The following CPPED1 variants were observed in gnomAD, a reference collection of about 807,000 sequenced individuals.
The protein encoded by CPPED1 is serine/threonine-protein phosphatase CPPED1.
A neutral mutation model predicts 28.0 loss-of-function variants in CPPED1; 28 were observed. The observed-to-expected ratio is 1.00, with a 90% CI of 0.74 to 1.37. CPPED1 has a LOEUF of 1.37. Among genes scored for constraint, CPPED1 ranks in the 40% most tolerant of loss-of-function variants. The pLI is 0.00. For synonymous variants in CPPED1, 198 were observed against 180.2 expected (o/e 1.10, Z -0.79); for missense variants, 504 against 416.5 (o/e 1.21, Z -1.83).
At chr16:12,733,472 A>G (rs1007713464) in intron 2 of CPPED1, among the ~76,000 whole-genome samples, 7 of 152,104 alleles carry the variant, frequency 4.6e-5, no homozygotes, top group African/African-American at 1.7e-4. Flanking sequence ...ACAGGGTTTC[A>G]GCATGTTGGC....
chr16:12,716,366 A>G (rs147585493), intron 2 of CPPED1, among the ~76,000 whole-genome samples: 25 of 152,372 alleles, frequency 1.6e-4, no homozygotes, highest in African/African-American at 5.8e-4. Flanking sequence ...ATGATGCACA[A>G]TGTGATATCC....
At chr16:12,689,970 C>T (rs1363241755) in intron 3 of CPPED1, among the ~76,000 whole-genome samples, 1 of 152,194 alleles carries the variant, frequency 6.6e-6, no homozygotes, top group Non-Finnish European at 1.5e-5. Context: ...GCAGTAACAA[C>T]CATTTTATCA....
At chr16:12,791,256 C>G (rs2080594960) in intron 1 of CPPED1, among the ~76,000 whole-genome samples, 1 of 152,072 alleles carries the variant, frequency 6.6e-6, no homozygotes, top group Admixed American at 6.6e-5. Context: ...TGATGTTCCC[C>G]TCCCTGTGTC....
intron 2 of CPPED1, chr16:12,720,180 T>C (rs867386641): frequency 6.5e-6 from 1 of 153,068 alleles, no homozygotes; most frequent in Middle Eastern, 1.1e-3. Flanking sequence ...GGTGAGTGTG[T>C]GGCAATGGTT....
chr16:12,708,153 ATTAT>A (rs1414556771), intron 2 of CPPED1, among the ~76,000 whole-genome samples: 4 of 151,446 alleles, frequency 2.6e-5, no homozygotes, highest in South Asian at 4.1e-4. Flanking sequence ...TCTCAAAAAA[ATTAT>A]TTATTTATTT....
chr16:12,778,566 G>A (rs2080512002), intron 2 of CPPED1, among the ~76,000 whole-genome samples: 2 of 152,332 alleles, frequency 1.3e-5, no homozygotes, highest in East Asian at 1.9e-4. Flanking sequence ...GTCAGCCACT[G>A]TGCCTGGCCA....
chr16:12,719,357 T>C (rs1248735361), intron 2 of CPPED1, among the ~76,000 whole-genome samples: 2 of 148,398 alleles, frequency 1.3e-5, no homozygotes, highest in African/African-American at 5.0e-5. Flanking sequence ...CGCCACTGCA[T>C]GCTGGCCTGG....
At chr16:12,733,750 T>G (rs1246405018) in intron 2 of CPPED1, among the ~76,000 whole-genome samples, 4 of 152,134 alleles carry the variant, frequency 2.6e-5, no homozygotes, top group Admixed American at 2.6e-4. Context: ...GAAGTGAATA[T>G]CCACAAAATT....
At chr16:12,703,484 C>A (rs1207202286) in intron 3 of CPPED1, among the ~76,000 whole-genome samples, 3 of 152,136 alleles carry the variant, frequency 2.0e-5, no homozygotes, top group Admixed American at 2.0e-4. Context: ...GAGTTTGGAA[C>A]CAGCCTGGAC....
rs2079803161 is a variant in CPPED1, at chr16:12,662,827, T to A, written c.*2059A>T. ...TGCATATTCTTGGGGTACTTTTGAATCAGTTCTTTTAAGTTTTTGGGGAAG... is the reference window on the plus strand; with the variant it reads ...TGCATATTCTTGGGGTACTTTTGAAACAGTTCTTTTAAGTTTTTGGGGAAG... On this transcript the variant is annotated 3_prime_UTR_variant, in exon 4 of 4. Transcript: ENST00000381774. The A allele has an allele frequency of 6.6e-6, 1 of 152,232 alleles. No individual in the cohort carries two copies. Among genetic ancestry groups the A allele is most frequent in the Non-Finnish European group, 1.5e-5 (1 of 68,046 alleles). The allele number at this position is 152,232 out of a possible 1,614,324, so 9.4% of individuals were successfully genotyped here.
At chr16:12,693,342 C>T (rs370556813) in intron 3 of CPPED1, among the ~76,000 whole-genome samples, 1 of 152,150 alleles carries the variant, frequency 6.6e-6, no homozygotes, top group South Asian at 2.1e-4. Context: ...GCTGGGCGTG[C>T]ACCACAATGC....
chr16:12,764,594 C>T lies in CPPED1; in HGVS notation c.289+16591G>A, dbSNP rs1596476689. On this transcript the variant is annotated intron_variant, in intron 2 of 3. Transcript: ENST00000381774. ...ACCTAAGTGATCCTTCTGCCTCAGCCTCCCAAAGTGCTGAGATTACAGGCA... is the reference window on the plus strand; with the variant it reads ...ACCTAAGTGATCCTTCTGCCTCAGCTTCCCAAAGTGCTGAGATTACAGGCA... 5.3e-5 allele frequency among the ~76,000 whole-genome samples: 8 copies of T among 152,344 alleles called. No individual in the cohort carries two copies. In the South Asian group the frequency reaches 1.7e-3, roughly 32 times the overall value.
intron 2 of CPPED1, among the ~76,000 whole-genome samples, chr16:12,743,214 C>T (rs1324874651): frequency 6.6e-6 from 1 of 152,158 alleles, no homozygotes; most frequent in Non-Finnish European, 1.5e-5. Flanking sequence ...CAGGACTTCT[C>T]TGCTAGTGAA....
chr16:12,776,979 A>G (rs759302509), intron 2 of CPPED1, among the ~76,000 whole-genome samples: 1 of 152,204 alleles, frequency 6.6e-6, no homozygotes, highest in Non-Finnish European at 1.5e-5. Flanking sequence ...AGCCACGTGG[A>G]ACTGTGAGGC....
At chr16:12,795,408 T>G (rs2080621641) in intron 1 of CPPED1, among the ~76,000 whole-genome samples, 1 of 152,190 alleles carries the variant, frequency 6.6e-6, no homozygotes, top group African/African-American at 2.4e-5. Context: ...GGCATGATCT[T>G]GGCTCACTGC....
At chr16:12,713,913 C>T (rs921552468) in intron 2 of CPPED1, among the ~76,000 whole-genome samples, 7 of 152,112 alleles carry the variant, frequency 4.6e-5, no homozygotes, top group African/African-American at 9.7e-5. Context: ...TGAACTTTCA[C>T]CCATTAGCAG....
At chr16:12,768,401 T>A (rs1430547040) in intron 2 of CPPED1, among the ~76,000 whole-genome samples, 1 of 152,216 alleles carries the variant, frequency 6.6e-6, no homozygotes, top group Non-Finnish European at 1.5e-5. Context: ...TGTTAACTAG[T>A]CCCTATTATT....
At position 12,728,815 on chromosome 16, in the gene CPPED1, C is replaced by T. The variant is rs990779318; in HGVS notation, c.290-23766G>A. Among the ~76,000 whole-genome samples, 16 of 152,154 alleles carry T rather than the reference C, an allele frequency of 1.1e-4. 1 individual carries two copies. Among genetic ancestry groups the T allele is most frequent in the South Asian group, 2.1e-4 (1 of 4,832 alleles). On this transcript the variant is annotated intron_variant, in intron 2 of 3. Coordinates refer to ENST00000381774, the MANE Select transcript of CPPED1 (RefSeq NM_018340.3). The stretch of plus-strand genomic sequence containing the variant: ...TGTGAGGCAAGAGGGTTCTGTGAGG[C>T]GAGAGGCAAGGCCCAGGAGTTCGAG...
At chr16:12,667,008 T>A (rs964900900) in intron 3 of CPPED1, among the ~76,000 whole-genome samples, 2 of 151,796 alleles carry the variant, frequency 1.3e-5, no homozygotes, top group Non-Finnish European at 2.9e-5. Flanking sequence ...ACTTCCCCGA[T>A]ATTACCATGG....
Sources: allele counts gnomAD v4.1 joint callset (sites outside exome capture counted in the v4.1 genomes callset), GRCh38; gene constraint gnomAD v4.1.1; transcripts MANE v1.5; gene names NCBI Gene and HGNC (gene_info 2026-07-23, HGNC 2026-07-21).